The following VSIG10 variants were observed in gnomAD, a reference collection of about 807,000 sequenced individuals.
VSIG10 encodes the protein V-set and immunoglobulin domain-containing protein 10.
In VSIG10, 48 loss-of-function variants were observed where a neutral mutation model predicts 58.7. The observed-to-expected ratio is 0.82, with a 90% confidence interval of 0.65 to 1.04. VSIG10 has a LOEUF of 1.04. VSIG10 is among the 50% of genes least tolerant of loss of function. The pLI, the probability that VSIG10 is intolerant of heterozygous loss-of-function variation, is 0.00. For missense variants in VSIG10, 628 were observed against 670.0 expected (o/e 0.94, Z 0.69); for synonymous variants, 260 against 267.1 (o/e 0.97, Z 0.26).
At position 118,079,411 on chromosome 12, in the gene VSIG10, T is replaced by C; in HGVS notation, c.860A>G (p.Lys287Arg). 1 of 1,614,048 alleles carries C rather than the reference T, an allele frequency of 6.2e-7. No homozygotes were observed. Residue 287 changes from lysine to arginine, a missense_variant, in exon 4 of 9, where the codon AAG becomes AGG. Physicochemically the swap from Lys to Arg is conservative, Grantham distance 26 (BLOSUM62 2). Coordinates refer to ENST00000359236, the MANE Select transcript of VSIG10 (RefSeq NM_019086.6). ...LSESQLSDGK[K>R]FKCVTSHIVG... ...TATGTGGCTTGTAACACACTTGAAC[T>C]TCTTGCCATCCGACAGCTGGGACTC... is the stretch of plus-strand genomic sequence containing the variant.
chr12:118,064,072 T>A lies in VSIG10; in HGVS notation c.*2567A>T, dbSNP rs946462763. 6.6e-6 allele frequency: 1 copy of A among 152,234 alleles called. No homozygotes were observed. The highest frequency in any genetic ancestry group is 1.5e-5 in the Non-Finnish European group (1 of 68,052). 9.4% of individuals were successfully genotyped at this position (152,234 alleles called of 1,614,324 possible). A position where few individuals can be genotyped will look rare whatever the true frequency, so the allele number is the denominator to read the frequency against. On this transcript the variant is annotated 3_prime_UTR_variant, in exon 9 of 9. Coordinates refer to ENST00000359236, the MANE Select transcript of VSIG10 (RefSeq NM_019086.6). ...CAATACATGCAGATAAGATTTTTTTTAAAGCACAGTGTAACAACTTGGACT... is the reference window on the plus strand; with the variant it reads ...CAATACATGCAGATAAGATTTTTTTAAAAGCACAGTGTAACAACTTGGACT...
rs2032204815 is a variant in VSIG10 at position 118,065,169 on chromosome 12, A to G, written c.*1470T>C. On this transcript the variant is annotated 3_prime_UTR_variant, in exon 9 of 9. Coordinates refer to ENST00000359236, the MANE Select transcript of VSIG10 (RefSeq NM_019086.6). ...AGTGTACCCTCAGAATATCCTTAAG[A>G]AGCAGGAAGGAAACAAGTTTTCCTC... is the stretch of plus-strand genomic sequence containing the variant. 1 of 152,268 alleles carries G rather than the reference A, an allele frequency of 6.6e-6. No individual in the cohort carries two copies. The highest frequency in any genetic ancestry group is 2.4e-5 in the African/African-American group (1 of 41,476). The allele number at this position is 152,268 out of a possible 1,614,324, so 9.4% of individuals were successfully genotyped here.
At position 118,068,444 on chromosome 12, in the gene VSIG10, A is replaced by G; in HGVS notation, c.1500T>C (p.Ile500=). 6.2e-7 allele frequency: 1 copy of G among 1,613,660 alleles called. No individual in the cohort carries two copies. Among genetic ancestry groups the G allele is most frequent in the Non-Finnish European group, 8.5e-7 (1 of 1,179,834 alleles). Residue 500 remains isoleucine, a synonymous_variant, in exon 8 of 9, where the codon ATT becomes ATC. Coordinates refer to ENST00000359236, the MANE Select transcript of VSIG10 (RefSeq NM_019086.6). ...CATTCACCAAGGCGGTCACTCTGTGAATGTGGTCCTGCTTAGGTATTTCTT... is the reference window on the plus strand; with the variant it reads ...CATTCACCAAGGCGGTCACTCTGTGGATGTGGTCCTGCTTAGGTATTTCTT... ...LPKEIPKQDH[I]HRVTALVNGN... is the part of the protein sequence containing the mutation.
At chr12:118,087,481 T>C (rs1008359938) in intron 2 of VSIG10, among the ~76,000 whole-genome samples, 11 of 152,128 alleles carry the variant, frequency 7.2e-5, no homozygotes, top group African/African-American at 2.7e-4. Flanking sequence ...CTGTCATATC[T>C]TGGAATTTGT....
intron 1 of VSIG10, among the ~76,000 whole-genome samples, chr12:118,097,693 C>T (rs995611945): frequency 1.3e-5 from 2 of 148,214 alleles, no homozygotes; most frequent in Non-Finnish European, 3.0e-5. Flanking sequence ...GAGGCTGAGG[C>T]GGTGGATCAC....
Position 118,095,905 on chromosome 12 carries a change from A to T in VSIG10, c.80-91T>A, listed in dbSNP as rs138856861. 265 of 1,392,626 alleles carry T rather than the reference A, an allele frequency of 1.9e-4. No homozygotes were observed. The African/African-American group carries it at 2.4e-3, about 13-fold the overall frequency. 86.3% of individuals were successfully genotyped at this position (1,392,626 alleles called of 1,614,324 possible). On this transcript the variant is annotated intron_variant, in intron 1 of 8. Coordinates refer to ENST00000359236, the MANE Select transcript of VSIG10 (RefSeq NM_019086.6). ...AGTACTCCTGTATTAGGATTTTTTT[A>T]AAAATCAGGTATATGTTCTTTTTTT...
rs1422174458 is a variant in VSIG10 at position 118,103,645 on chromosome 12, C to G, written c.27G>C (p.Glu9Asp). 2 of 1,504,662 alleles carry G rather than the reference C, an allele frequency of 1.3e-6. No individual in the cohort carries two copies. Among genetic ancestry groups the G allele is most frequent in the South Asian group, 1.2e-5 (1 of 81,254 alleles). The allele number at this position is 1,504,662 out of a possible 1,614,324, so 93.2% of individuals were successfully genotyped here. ...CCCCGAGGCAGACGAGGACGCGGGG[C>G]TCGGGCGCACTGCCGCCTGCGGCCA... MAAGGSAPEPRVLVCLGAL... is the reference protein window; with the variant it reads MAAGGSAPDPRVLVCLGAL... Residue 9 changes from glutamate (E) to aspartate (D), a missense_variant, in exon 1 of 9, where the codon GAG becomes GAC. Glu to Asp is a conservative substitution (Grantham distance 45, BLOSUM62 2). Transcript: ENST00000359236.
rs945406630 is a variant in VSIG10 at position 118,065,917 on chromosome 12, CAAT to C, written c.*719_*721del. ...AGCTTTCCAAGCTTTCAGAACGAGA[CAAT>C]AATAAGTGAGCAGCTTCCTCATCTA... On this transcript the variant is annotated 3_prime_UTR_variant, in exon 9 of 9. Coordinates refer to ENST00000359236, the MANE Select transcript of VSIG10 (RefSeq NM_019086.6). 2 of 152,038 alleles carry C rather than the reference CAAT, an allele frequency of 1.3e-5. No individual in the cohort carries two copies. Among genetic ancestry groups the C allele is most frequent in the African/African-American group, 2.4e-5 (1 of 41,384 alleles). The allele number at this position is 152,038 out of a possible 1,614,324, so 9.4% of individuals were successfully genotyped here.
rs546620816 is a variant in VSIG10 at position 118,071,544 on chromosome 12, C to A, written c.1220-75G>T. Reference sequence around the variant, plus strand: ...TTAGAACAACACCTCCCTTTCTCTGCGTGGATCCAGTTCTTGTCTTGATTC... The same window carrying A: ...TTAGAACAACACCTCCCTTTCTCTGAGTGGATCCAGTTCTTGTCTTGATTC... On this transcript the variant is annotated intron_variant, in intron 5 of 8. Coordinates refer to ENST00000359236, the MANE Select transcript of VSIG10 (RefSeq NM_019086.6). The A allele has an allele frequency of 3.8e-6, 5 of 1,329,206 alleles. No homozygotes were observed. The South Asian group carries it at 6.0e-5, about 16-fold the overall frequency. The allele number at this position is 1,329,206 out of a possible 1,614,324, so 82.3% of individuals were successfully genotyped here. A position where few individuals can be genotyped will look rare whatever the true frequency, so the allele number is the denominator to read the frequency against.
In VSIG10 at chr12:118,063,990, A is replaced by T. The variant is rs953280121; in HGVS notation, c.*2649T>A. 1.3e-5 allele frequency: 2 copies of T among 152,188 alleles called. No homozygotes were observed. The highest frequency in any genetic ancestry group is 1.3e-4 in the Admixed American group (2 of 15,268). The allele number at this position is 152,188 out of a possible 1,614,324, so 9.4% of individuals were successfully genotyped here. A position where few individuals can be genotyped will look rare whatever the true frequency, so the allele number is the denominator to read the frequency against. On this transcript the variant is annotated 3_prime_UTR_variant, in exon 9 of 9. Transcript: ENST00000359236. ...ACAAGAAAAAAGTCAGTTGCAATGG[A>T]CCTGAAGTGTGTATCTTCCTGGTCC...
intron 2 of VSIG10, among the ~76,000 whole-genome samples, chr12:118,088,580 T>C (rs1202180422): frequency 2.6e-4 from 40 of 152,090 alleles, no homozygotes; most frequent in Admixed American, 2.5e-3. Flanking sequence ...TCAAACCTAA[T>C]CTATTTTCCT....
intron 4 of VSIG10, among the ~76,000 whole-genome samples, chr12:118,075,164 A>ATG (rs1259526305): frequency 1.6e-5 from 2 of 123,924 alleles, no homozygotes; most frequent in Admixed American, 1.7e-4. Flanking sequence ...ATATATATGT[A>ATG]TATATATGTA....
At chr12:118,074,039 G>A in intron 4 of VSIG10, 47 bp from the exon 5 acceptor site, 1 of 1,507,700 alleles carries the variant, frequency 6.6e-7, no homozygotes, top group East Asian at 2.3e-5. Context: ...AGAGATTCAA[G>A]TCATGGCCTG....
At chr12:118,078,598 C>A (rs867707672) in intron 4 of VSIG10, among the ~76,000 whole-genome samples, 11 of 152,142 alleles carry the variant, frequency 7.2e-5, no homozygotes, top group South Asian at 6.2e-4. Context: ...AGAAGCCAAG[C>A]AGATGCTGGT....
At chr12:118,077,068 G>A (rs2032757353) in intron 4 of VSIG10, among the ~76,000 whole-genome samples, 1 of 152,172 alleles carries the variant, frequency 6.6e-6, no homozygotes. Flanking sequence ...TCTGAATAAA[G>A]TCATATCCAC....
rs1442660580 is a variant in VSIG10 at position 118,095,719 on chromosome 12, T to G, written c.175A>C (p.Asn59His). The stretch of plus-strand genomic sequence containing the variant: ...AGAAGGAAGACAGGCTCCGAGTTGT[T>G]CCGGTACCAGGTCACCTGGCCCCTC... ...GLRGQVTWYR[N>H]NSEPVFLLSS... Residue 59 changes from asparagine to histidine, a missense_variant, in exon 2 of 9, where the codon AAC becomes CAC. By Grantham distance (68) the Asn-to-His change is moderately conservative. Coordinates refer to ENST00000359236, the MANE Select transcript of VSIG10 (RefSeq NM_019086.6). The G allele has an allele frequency of 1.9e-6, 3 of 1,613,908 alleles. No individual in the cohort carries two copies. The highest frequency in any genetic ancestry group is 1.7e-6 in the Non-Finnish European group (2 of 1,179,870).
intron 5 of VSIG10, among the ~76,000 whole-genome samples, chr12:118,071,733 T>C (rs1322910871): frequency 2.0e-5 from 3 of 152,140 alleles, no homozygotes; most frequent in Non-Finnish European, 4.4e-5. Context: ...TCTAAGGCCA[T>C]GGTAAGTAAG....
intron 5 of VSIG10, among the ~76,000 whole-genome samples, chr12:118,072,998 T>G (rs1379381573): frequency 6.6e-6 from 1 of 152,198 alleles, no homozygotes; most frequent in Non-Finnish European, 1.5e-5. Flanking sequence ...CTTTTTGAAG[T>G]GGATTCTCGC....
rs1199352661 is a variant in VSIG10 at position 118,066,085 on chromosome 12, T to C, written c.*554A>G. 6.4e-6 allele frequency: 1 copy of C among 155,576 alleles called. No individual in the cohort carries two copies. The highest frequency in any genetic ancestry group is 1.4e-5 in the Non-Finnish European group (1 of 70,178). 9.6% of individuals were successfully genotyped at this position (155,576 alleles called of 1,614,324 possible). On this transcript the variant is annotated 3_prime_UTR_variant, in exon 9 of 9. Coordinates refer to ENST00000359236, the MANE Select transcript of VSIG10 (RefSeq NM_019086.6). ...CTGAACCAAACTGCCTTCCTCTGAT[T>C]GGCATTGGTACCTGGAACTTCACCT...
Sources: gnomAD v4.1 joint callset for allele counts (sites outside exome capture counted in the v4.1 genomes callset) on GRCh38, gnomAD v4.1.1 for gene constraint, MANE v1.5 for transcripts, NCBI Gene and HGNC (gene_info 2026-07-23, HGNC 2026-07-21) for gene names.